FBN2: variants seen among roughly 807,000 people sequenced by gnomAD.
The protein encoded by FBN2 is fibrillin 2.
A neutral mutation model predicts 355.6 loss-of-function variants in FBN2; 105 were observed. The observed-to-expected ratio is 0.30, with a 90% CI of 0.25 to 0.35. FBN2 has a LOEUF of 0.35. FBN2 is among the 10% of genes least tolerant of loss of function. The probability of loss-of-function intolerance (pLI) is 1.00; values close to 1 mark genes in which losing one functional copy is unlikely to be tolerated. For synonymous variants in FBN2, 1,350 were observed against 1,301.2 expected (o/e 1.04, Z -0.81); for missense variants, 3,280 against 3,758.7 (o/e 0.87, Z 3.33).
At chr5:128,423,447 C>T (rs530727593) in intron 7 of FBN2, among the ~76,000 whole-genome samples, 1 of 152,198 alleles carries the variant, frequency 6.6e-6, no homozygotes, top group Admixed American at 6.5e-5. Flanking sequence ...ATCAAACCAT[C>T]AGATCTCATA....
intron 34 of FBN2, among the ~76,000 whole-genome samples, chr5:128,327,700 G>A (rs245443): frequency 0.096 from 14,610 of 151,478 alleles, 833 homozygotes; most frequent in Admixed American, 0.14. Context: ...GTGCAATGGC[G>A]CAATCTTGGC....
chr5:128,423,074 A>C (rs902124817), intron 7 of FBN2, among the ~76,000 whole-genome samples: 1 of 152,152 alleles, frequency 6.6e-6, no homozygotes, highest in Admixed American at 6.6e-5. Context: ...TGGTGAGATA[A>C]ATTCTACAGC....
At chr5:128,328,969 T>C (rs1581219527) in intron 33 of FBN2, 148 bp from the exon 34 acceptor site, 6 of 799,852 alleles carry the variant, frequency 7.5e-6, no homozygotes, top group African/African-American at 1.7e-5. Context: ...TAAAGGAGGG[T>C]ATCAACCTGA....
At chr5:128,296,166 C>T (rs1438438715) in intron 48 of FBN2, among the ~76,000 whole-genome samples, 1 of 151,922 alleles carries the variant, frequency 6.6e-6, no homozygotes, top group Non-Finnish European at 1.5e-5. Context: ...TTGAACCAGC[C>T]TTGCATCCCA....
intron 22 of FBN2, 22 bp from the exon 23 acceptor site, chr5:128,349,494 A>G (rs757759172): frequency 3.1e-6 from 5 of 1,612,788 alleles, no homozygotes; most frequent in Non-Finnish European, 4.2e-6. Context: ...TGCAGCAAGC[A>G]GAGGAGCAAA....
intron 20 of FBN2, among the ~76,000 whole-genome samples, chr5:128,356,055 T>TA (rs1369236509): frequency 6.6e-6 from 1 of 152,236 alleles, no homozygotes; most frequent in East Asian, 1.9e-4. Context: ...CTTTGCATAA[T>TA]AAAATGACTC....
chr5:128,407,184 G>A (rs537354842), intron 8 of FBN2, among the ~76,000 whole-genome samples: 1 of 152,248 alleles, frequency 6.6e-6, no homozygotes, highest in South Asian at 2.1e-4. Flanking sequence ...TAGCACAAGA[G>A]GCTGGAGTCA....
At chr5:128,512,155 C>T (rs1015718644) in intron 5 of FBN2, among the ~76,000 whole-genome samples, 3 of 152,172 alleles carry the variant, frequency 2.0e-5, no homozygotes, top group Non-Finnish European at 4.4e-5. Flanking sequence ...ACGCTGTTCA[C>T]AACTGATGTC....
chr5:128,310,097 A>G lies in FBN2; in HGVS notation c.5086T>C (p.Cys1696Arg). 6.2e-7 allele frequency: 1 copy of G among 1,612,440 alleles called. No homozygotes were observed. The highest frequency in any genetic ancestry group is 8.5e-7 in the Non-Finnish European group (1 of 1,178,660). ...DTRICEDIDE[C>R]FAHPGVCGPG... ...CCACACACACCAGGATGTGCAAAAC[A>G]CTCATCAATATCTAGAGTAGGCAAG... is the stretch of plus-strand genomic sequence containing the variant. The change falls in exon 40 of 65, where the codon TGT becomes CGT. Residue 1696 changes from cysteine to arginine, a missense_variant. Coordinates refer to ENST00000262464, the MANE Select transcript of FBN2 (RefSeq NM_001999.4).
chr5:128,472,505 C>A (rs1465991917), intron 5 of FBN2, among the ~76,000 whole-genome samples: 1 of 152,012 alleles, frequency 6.6e-6, no homozygotes. Flanking sequence ...AAAATGATTA[C>A]GACAGGCTGG....
At chr5:128,279,740 G>C (rs1308975959) in intron 56 of FBN2, among the ~76,000 whole-genome samples, 1 of 152,092 alleles carries the variant, frequency 6.6e-6, no homozygotes, top group Non-Finnish European at 1.5e-5. Flanking sequence ...TATAATGTCT[G>C]AGATGTATAT....
At chr5:128,477,577 A>G (rs1350831926) in intron 5 of FBN2, among the ~76,000 whole-genome samples, 3 of 152,194 alleles carry the variant, frequency 2.0e-5, no homozygotes, top group South Asian at 4.1e-4. Context: ...GTAGTACTTT[A>G]TAGCCATCAT....
At chr5:128,351,120 C>T (rs888200064) in intron 20 of FBN2, 115 bp from the exon 21 acceptor site, 12 of 1,238,592 alleles carry the variant, frequency 9.7e-6, no homozygotes, top group African/African-American at 1.5e-5. Flanking sequence ...TACTGGCTCA[C>T]GCCTGTAATC....
chr5:128,517,455 T>A (rs1756310260), intron 5 of FBN2, among the ~76,000 whole-genome samples: 3 of 152,108 alleles, frequency 2.0e-5, no homozygotes, highest in Non-Finnish European at 4.4e-5. Context: ...TAACGTTTCA[T>A]AATTAATTTT....
In FBN2 at chr5:128,312,765, A is replaced by T; in HGVS notation, c.4748T>A (p.Phe1583Tyr). 1 of 1,613,862 alleles carries T rather than the reference A, an allele frequency of 6.2e-7. No homozygotes were observed. Residue 1583 changes from phenylalanine to tyrosine, a missense_variant, in exon 37 of 65, where the codon TTT becomes TAT. Physicochemically the swap from Phe to Tyr is conservative, Grantham distance 22. Around this residue, in one of 6 missense-constraint regions of FBN2, gnomAD observed 2,284 missense variants for 2,749.5 expected, o/e 0.83. Coordinates refer to ENST00000262464, the MANE Select transcript of FBN2 (RefSeq NM_001999.4). Reference protein sequence around the residue: ...DNRVGNCYLKFGPRGDGSLSC... With the variant: ...DNRVGNCYLKYGPRGDGSLSC... ...CAGACTCCCATCTCCTCGAGGTCCA[A>T]ACTTCAGGTAGCAGTTGCCCACACG...
intron 5 of FBN2, among the ~76,000 whole-genome samples, chr5:128,499,021 G>A (rs1755733141): frequency 2.6e-5 from 4 of 152,124 alleles, no homozygotes; most frequent in Admixed American, 6.5e-5. Flanking sequence ...GCCAAGATTC[G>A]AAGCTATTAT....
rs747670150 is a variant in FBN2, at chr5:128,335,483, G to A, written c.3819C>T (p.Ala1273=). ...SYECSCSEGY[A]LMPDGRSCAD... The stretch of plus-strand genomic sequence containing the variant: ...CACACGATCTCCCATCTGGCATCAG[G>A]GCATAACCCTCACTGCAGCTGCATT... The change falls in exon 29 of 65, where the codon GCC becomes GCT. Residue 1273 remains alanine, a synonymous_variant. Coordinates refer to ENST00000262464, the MANE Select transcript of FBN2 (RefSeq NM_001999.4). 1 of 1,614,024 alleles carries A rather than the reference G, an allele frequency of 6.2e-7. No homozygotes were observed. Among genetic ancestry groups the A allele is most frequent in the African/African-American group, 1.3e-5 (1 of 74,906 alleles).
chr5:128,405,111 C>T (rs1752891902), intron 8 of FBN2, among the ~76,000 whole-genome samples: 1 of 152,118 alleles, frequency 6.6e-6, no homozygotes, highest in South Asian at 2.1e-4. Flanking sequence ...GCAGAGGTTG[C>T]AGCAAGCTGA....
intron 7 of FBN2, among the ~76,000 whole-genome samples, chr5:128,432,125 C>T (rs1328113877): frequency 6.6e-6 from 1 of 152,158 alleles, no homozygotes; most frequent in African/African-American, 2.4e-5. Flanking sequence ...TTACATCTCT[C>T]TATTTCTACA....
Sources: allele counts gnomAD v4.1 joint callset (sites outside exome capture counted in the v4.1 genomes callset), GRCh38; gene constraint gnomAD v4.1.1; regional missense constraint gnomAD v4.1.1; transcripts MANE v1.5; gene names NCBI Gene and HGNC (gene_info 2026-07-23, HGNC 2026-07-21).